RMDN2: variants seen among roughly 807,000 people sequenced by gnomAD.
The protein encoded by RMDN2 is regulator of microtubule dynamics protein 2.
Under a neutral mutation model 52.8 loss-of-function variants are expected in RMDN2, and 61 were observed. That is an observed-to-expected ratio of 1.16 (90% CI 0.94 to 1.43). The LOEUF (loss-of-function observed/expected upper bound fraction) is 1.43. Ranked by LOEUF, RMDN2 falls within the 40% of genes most tolerant of loss-of-function variation. The pLI is 0.00. For missense variants in RMDN2, 592 were observed against 475.3 expected, an observed-to-expected ratio of 1.25 and a Z score of -2.28; for synonymous variants, 180 against 153.1, an observed-to-expected ratio of 1.18 and a Z score of -1.30.
chr2:38,036,737 C>T (rs1186086914), intron 10 of RMDN2: 1 of 152,222 alleles, frequency 6.6e-6, no homozygotes, highest in Non-Finnish European at 1.5e-5. Context: ...AACTCTTTAC[C>T]AGTCTGATGA....
chr2:37,955,507 C>T (rs1669332205), intron 2 of RMDN2, among the ~76,000 whole-genome samples: 1 of 151,994 alleles, frequency 6.6e-6, no homozygotes, highest in African/African-American at 2.4e-5. Flanking sequence ...TTGGCTGTGT[C>T]CCCACCCAAA....
chr2:37,997,566 C>A, intron 8 of RMDN2, 52 bp downstream of exon 8: 2 of 1,118,682 alleles, frequency 1.8e-6, no homozygotes, highest in Non-Finnish European at 1.4e-6. Context: ...CCATCTGCAC[C>A]AATCCCTGCT....
At position 37,991,290 on chromosome 2, in the gene RMDN2, G is replaced by C; in HGVS notation, c.938G>C (p.Cys313Ser). The change falls in exon 7 of 11, where the codon TGC (cysteine) becomes TCC (serine). Residue 313 changes from cysteine to serine, a missense_variant. Transcript: ENST00000354545. The part of the protein sequence containing the change: ...PFLYYLKGRY[C>S]YTVSKLSWIE... ...CTATATTACCTCAAAGGGAGATACTGCTATACTGTAAGTTGAATGCCTTTA... is the reference window on the plus strand; with the variant it reads ...CTATATTACCTCAAAGGGAGATACTCCTATACTGTAAGTTGAATGCCTTTA... The C allele has an allele frequency of 6.6e-7, 1 of 1,513,406 alleles. No homozygotes were observed. Among genetic ancestry groups the C allele is most frequent in the African/African-American group, 1.4e-5 (1 of 71,956 alleles). The allele number at this position is 1,513,406 out of a possible 1,614,324, so 93.7% of individuals were successfully genotyped here. A position where few individuals can be genotyped will look rare whatever the true frequency, so the allele number is the denominator to read the frequency against.
intron 2 of RMDN2, chr2:37,951,403 GGTTATTATCTGTAT>G: frequency 6.2e-7 from 1 of 1,613,016 alleles, no homozygotes; most frequent in South Asian, 1.1e-5. Context: ...GCAAGTAGAA[GGTTATTATCTGTAT>G]CAAGTCCATC....
chr2:37,978,561 C>T (rs1229946360), intron 4 of RMDN2, among the ~76,000 whole-genome samples: 1 of 152,030 alleles, frequency 6.6e-6, no homozygotes, highest in African/African-American at 2.4e-5. Context: ...TGTAGTGGCT[C>T]ATGCCTGTAA....
upstream of RMDN2, chr2:37,923,338 C>A (rs1171633947): frequency 1.3e-5 from 2 of 152,202 alleles, no homozygotes; most frequent in Non-Finnish European, 2.9e-5. Flanking sequence ...AAGTCAGTAT[C>A]AGCTGCCATC....
chr2:37,978,442 T>C (rs1672852188), intron 4 of RMDN2, among the ~76,000 whole-genome samples: 1 of 152,144 alleles, frequency 6.6e-6, no homozygotes, highest in African/African-American at 2.4e-5. Flanking sequence ...GTTTTCAGGC[T>C]ACAGGGGAGC....
intron 2 of RMDN2, among the ~76,000 whole-genome samples, chr2:37,949,242 C>T (rs778298101): frequency 2.0e-5 from 3 of 152,140 alleles, no homozygotes; most frequent in Non-Finnish European, 4.4e-5. Flanking sequence ...TTATGTGGGC[C>T]ATTTTTCAGG....
chr2:37,956,191 G>A (rs1669435572), intron 2 of RMDN2, among the ~76,000 whole-genome samples: 1 of 151,902 alleles, frequency 6.6e-6, no homozygotes, highest in Non-Finnish European at 1.5e-5. Flanking sequence ...CAAATATTTG[G>A]GCTTTCACTT....
intron 2 of RMDN2, among the ~76,000 whole-genome samples, chr2:37,958,447 T>C (rs1357873206): frequency 6.7e-6 from 1 of 150,172 alleles, no homozygotes; most frequent in South Asian, 2.1e-4. Flanking sequence ...CTCTCTATTA[T>C]TGGTTTATAG....
chr2:38,067,111 A>AC, exon 11 of RMDN2: 1 of 966,606 alleles, frequency 1.0e-6, no homozygotes, highest in Non-Finnish European at 1.7e-6. Context: ...AAGTAAAAAG[A>AC]TTGGCAATAA....
In RMDN2 at chr2:38,060,668, G is replaced by A. The variant is rs80070596; in HGVS notation, c.1714-6314G>A. 9.4e-4 allele frequency among the ~76,000 whole-genome samples: 143 copies of A among 152,278 alleles called. 3 individuals are homozygous for A. In the East Asian group the frequency reaches 0.021, roughly 22 times the overall value. On this transcript the variant is annotated intron_variant, in intron 10 of 10. Transcript: ENST00000234195. ...TCACAAACATCCACCAGATCCAGTG[G>A]ACACCAGCAGCTTTCAGTATTGTGG... is the stretch of plus-strand genomic sequence containing the variant.
At chr2:38,032,331 A>G (rs1680269857) in intron 10 of RMDN2, among the ~76,000 whole-genome samples, 2 of 152,144 alleles carry the variant, frequency 1.3e-5, no homozygotes, top group Non-Finnish European at 2.9e-5. Context: ...TTACAATACC[A>G]TATTAATGGA....
chr2:37,952,520 A>G (rs1245832603), intron 2 of RMDN2: 1 of 426,866 alleles, frequency 2.3e-6, no homozygotes, highest in Admixed American at 3.9e-5. Context: ...AATAACATCA[A>G]GCCTTGATGT....
chr2:37,966,215 G>A (rs1375159314), intron 2 of RMDN2, among the ~76,000 whole-genome samples: 3 of 152,002 alleles, frequency 2.0e-5, no homozygotes, highest in African/African-American at 7.3e-5. Flanking sequence ...AGGTCAAATC[G>A]AGACCATCCT....
intron 10 of RMDN2, among the ~76,000 whole-genome samples, chr2:38,048,749 G>A (rs1681420215): frequency 6.6e-6 from 1 of 152,216 alleles, no homozygotes; most frequent in Non-Finnish European, 1.5e-5. Flanking sequence ...GCAAGTCATG[G>A]AAACATCTGG....
intron 2 of RMDN2, among the ~76,000 whole-genome samples, chr2:37,942,666 C>G (rs1316332877): frequency 6.6e-6 from 1 of 152,024 alleles, no homozygotes; most frequent in East Asian, 1.9e-4. Flanking sequence ...CCCTGAAAAC[C>G]AGTACGATCA....
rs1666549068 is a variant in RMDN2, at chr2:37,929,503, C to T, written c.226C>T (p.Leu76=). Residue 76 remains leucine, a synonymous_variant, in exon 2 of 11, where the codon CTG becomes TTG. Transcript: ENST00000354545. ...CTTTCAAGAAAGGCAACTTCAGATA[C>T]TGGAGAAGTTAAACGAATTACTGAC... ...VIFQERQLQI[L]EKLNELLTNM... is the part of the protein sequence containing the mutation. 1.3e-6 allele frequency: 2 copies of T among 1,550,798 alleles called. No individual in the cohort carries two copies. Among genetic ancestry groups the T allele is most frequent in the Non-Finnish European group, 1.7e-6 (2 of 1,146,082 alleles).
At chr2:37,977,823 C>T (rs1489026593) in intron 4 of RMDN2, among the ~76,000 whole-genome samples, 1 of 151,608 alleles carries the variant, frequency 6.6e-6, no homozygotes, top group East Asian at 1.9e-4. Context: ...AAGAGGCGCT[C>T]CTCAGTTCCC....
Sources: gnomAD v4.1 joint callset for allele counts (sites outside exome capture counted in the v4.1 genomes callset) on GRCh38, gnomAD v4.1.1 for gene constraint, MANE v1.5 for transcripts, NCBI Gene and HGNC (gene_info 2026-07-23, HGNC 2026-07-21) for gene names.